Variants in STK3 observed in about 807,000 individuals in gnomAD.
The protein encoded by STK3 is serine/threonine-protein kinase 3.
Under a neutral mutation model 58.0 loss-of-function variants are expected in STK3, and 41 were observed. That is an observed-to-expected ratio of 0.71 (90% CI 0.55 to 0.92). The LOEUF is 0.92. Among genes scored for constraint, STK3 ranks in the 40% least tolerant of loss-of-function variants. The pLI, the probability that STK3 is intolerant of heterozygous loss-of-function variation, is 0.00. For synonymous variants in STK3, 170 were observed against 191.0 expected (o/e 0.89, Z 0.91); for missense variants, 479 against 602.7 (o/e 0.79, Z 2.15).
intron 3 of STK3, among the ~76,000 whole-genome samples, chr8:98,750,679 A>T (rs1388275863): frequency 6.6e-6 from 1 of 152,104 alleles, no homozygotes; most frequent in Non-Finnish European, 1.5e-5. Flanking sequence ...ATGTACAAAG[A>T]AGAGCTGGTA....
At chr8:98,458,897 A>G (rs1023224025) in intron 10 of STK3, among the ~76,000 whole-genome samples, 2 of 152,260 alleles carry the variant, frequency 1.3e-5, no homozygotes, top group East Asian at 3.9e-4. Context: ...TTTGTAAATT[A>G]CCCAGTCTTG....
chr8:98,901,488 C>A (rs372728290), intron 1 of STK3, among the ~76,000 whole-genome samples: 2 of 152,210 alleles, frequency 1.3e-5, no homozygotes, highest in East Asian at 3.8e-4. Flanking sequence ...AGCCTGGGAG[C>A]GGGAAGGCTC....
At chr8:98,449,895 C>T (rs1170983143), downstream of STK3, among the ~76,000 whole-genome samples, 1 of 152,180 alleles carries the variant, frequency 6.6e-6, no homozygotes, top group Non-Finnish European at 1.5e-5. Context: ...AACACACTCG[C>T]TTTCCCTTTT....
intron 3 of STK3, among the ~76,000 whole-genome samples, chr8:98,403,838 G>C (rs1397948341): frequency 6.6e-6 from 1 of 152,262 alleles, no homozygotes; most frequent in East Asian, 1.9e-4. Flanking sequence ...GTGCCAAGGG[G>C]ATATGGTGGG....
intron 4 of STK3, among the ~76,000 whole-genome samples, chr8:98,744,027 T>C (rs1157725029): frequency 1.3e-5 from 2 of 151,712 alleles, no homozygotes; most frequent in East Asian, 1.9e-4. Context: ...AAAACCACAA[T>C]GAGATACCAT....
rs553010349 is a variant in STK3 at position 98,925,575 on chromosome 8, G to A, written c.-79+16803C>T. ...AGAAGGCAGCTCCATAGCCTTCAATGTCAGGAATAAAAACTCATTCAAACC... is the reference window on the plus strand; with the variant it reads ...AGAAGGCAGCTCCATAGCCTTCAATATCAGGAATAAAAACTCATTCAAACC... On this transcript the variant is annotated intron_variant, in intron 1 of 1. Coordinates refer to the STK3 transcript ENST00000519420. 7.2e-5 allele frequency among the ~76,000 whole-genome samples: 11 copies of A among 152,268 alleles called. No homozygotes were observed. The South Asian group carries it at 2.1e-3, about 29-fold the overall frequency.
intron 9 of STK3, among the ~76,000 whole-genome samples, chr8:98,531,147 T>C (rs1826144353): frequency 6.6e-6 from 1 of 152,236 alleles, no homozygotes; most frequent in Admixed American, 6.5e-5. Context: ...TGAAGAATGA[T>C]GAATCCTTTC....
chr8:98,832,917 A>G (rs1376802758), intron 3 of STK3, among the ~76,000 whole-genome samples: 1 of 152,218 alleles, frequency 6.6e-6, no homozygotes, highest in Non-Finnish European at 1.5e-5. Context: ...AGATGGTAGG[A>G]AAAGTCTATT....
At chr8:98,884,980 C>T (rs1287424228) in intron 1 of STK3, among the ~76,000 whole-genome samples, 1 of 152,200 alleles carries the variant, frequency 6.6e-6, no homozygotes, top group East Asian at 1.9e-4. Context: ...ATACCATCTT[C>T]CAGGTTCCCC....
chr8:98,662,724 T>C (rs1031480359), intron 6 of STK3, among the ~76,000 whole-genome samples: 1 of 151,996 alleles, frequency 6.6e-6, no homozygotes, highest in African/African-American at 2.4e-5. Context: ...GTGCACAACG[T>C]GCAGGTTTGT....
At chr8:98,494,258 T>C (rs998162759) in intron 10 of STK3, among the ~76,000 whole-genome samples, 37 of 152,164 alleles carry the variant, frequency 2.4e-4, no homozygotes, top group African/African-American at 8.0e-4. Context: ...AGTCCTTCTG[T>C]AAATACTGCA....
chr8:98,679,383 T>C (rs372935806), intron 6 of STK3, among the ~76,000 whole-genome samples: 150 of 152,322 alleles, frequency 9.8e-4, no homozygotes, highest in African/African-American at 3.3e-3. Flanking sequence ...CAGCTTTTTA[T>C]TCCAGTATCA....
At position 98,587,786 on chromosome 8, in the gene STK3, G is replaced by A. The variant is rs1315933490; in HGVS notation, c.823-7997C>T. On this transcript the variant is annotated intron_variant, in intron 7 of 10. Transcript: ENST00000419617. Reference sequence around the variant, plus strand: ...GCTTTATGAATCTGGGTGCTCCTGTGTTGGGTGCATATATATTTAGTATAG... The same window carrying A: ...GCTTTATGAATCTGGGTGCTCCTGTATTGGGTGCATATATATTTAGTATAG... 6.2e-4 allele frequency among the ~76,000 whole-genome samples: 94 copies of A among 152,140 alleles called. 2 individuals carry two copies. The highest frequency in any genetic ancestry group is 7.2e-4 in the Admixed American group (11 of 15,290).
At chr8:98,904,512 C>G in intron 1 of STK3, 1 of 396,090 alleles carries the variant, frequency 2.5e-6, no homozygotes, top group Non-Finnish European at 4.9e-6. Flanking sequence ...ATGGAAACAT[C>G]CTGGCAAAGG....
intron 3 of STK3, among the ~76,000 whole-genome samples, chr8:98,754,518 T>C (rs892984663): frequency 6.6e-6 from 1 of 151,150 alleles, no homozygotes; most frequent in African/African-American, 2.4e-5. Flanking sequence ...CTCTCTCTCT[T>C]TTTTTTTCTG....
At chr8:98,372,677 C>A (rs767743742) in intron 2 of STK3, among the ~76,000 whole-genome samples, 59 of 152,332 alleles carry the variant, frequency 3.9e-4, no homozygotes, top group Non-Finnish European at 6.8e-4. Context: ...GGCAGAGGGT[C>A]CAGAACATTG....
At chr8:98,413,345 C>T in intron 3 of STK3, 2 of 509,916 alleles carry the variant, frequency 3.9e-6, no homozygotes, top group South Asian at 1.5e-5. Context: ...ATTGCTGGTA[C>T]ACCTACTTGA....
At chr8:98,669,250 C>T (rs911183121) in intron 6 of STK3, among the ~76,000 whole-genome samples, 1 of 152,164 alleles carries the variant, frequency 6.6e-6, no homozygotes, top group African/African-American at 2.4e-5. Flanking sequence ...CCACCTCGGC[C>T]TCCCAAAGTG....
chr8:98,938,000 T>G (rs1405980250), intron 1 of STK3, among the ~76,000 whole-genome samples: 1 of 152,158 alleles, frequency 6.6e-6, no homozygotes, highest in Non-Finnish European at 1.5e-5. Context: ...AGAATCCCCA[T>G]AAGAAAAGGT....
Sources: gnomAD v4.1 joint callset for allele counts (sites outside exome capture counted in the v4.1 genomes callset) on GRCh38, gnomAD v4.1.1 for gene constraint, MANE v1.5 for transcripts, NCBI Gene and HGNC (gene_info 2026-07-23, HGNC 2026-07-21) for gene names.